Variants in ZNF804B observed in about 807,000 individuals in gnomAD.
ZNF804B encodes the protein zinc finger protein 804B.
Under a neutral mutation model 101.4 loss-of-function variants are expected in ZNF804B, and 80 were observed. The observed-to-expected ratio is 0.79, with a 90% CI of 0.66 to 0.95. ZNF804B has a LOEUF of 0.95. Among genes scored for constraint, ZNF804B ranks in the 40% least tolerant of loss-of-function variants. The pLI, the probability that ZNF804B is intolerant of heterozygous loss-of-function variation, is 0.00. For synonymous variants in ZNF804B, 622 were observed against 558.8 expected, an observed-to-expected ratio of 1.11 and a Z score of -1.59; for missense variants, 1,673 against 1,561.9, an observed-to-expected ratio of 1.07 and a Z score of -1.20.
intron 1 of ZNF804B, among the ~76,000 whole-genome samples, chr7:89,047,906 C>T (rs1468427992): frequency 1.3e-5 from 2 of 150,140 alleles, no homozygotes; most frequent in East Asian, 1.9e-4. Flanking sequence ...TTTTTTTTTT[C>T]CCCCTTTGGA....
intron 1 of ZNF804B, among the ~76,000 whole-genome samples, chr7:88,963,938 C>A: frequency 6.6e-6 from 1 of 151,306 alleles, no homozygotes; most frequent in Non-Finnish European, 1.5e-5. Context: ...CATCATTAAT[C>A]AGTAGGGAAA....
chr7:88,797,356 C>G (rs1045191618), intron 1 of ZNF804B, among the ~76,000 whole-genome samples: 2 of 152,084 alleles, frequency 1.3e-5, no homozygotes, highest in Non-Finnish European at 2.9e-5. Flanking sequence ...ACAAATTCAG[C>G]TAAGAGTGTG....
intron 1 of ZNF804B, among the ~76,000 whole-genome samples, chr7:88,859,016 T>C (rs947421571): frequency 6.6e-6 from 1 of 152,064 alleles, no homozygotes; most frequent in Non-Finnish European, 1.5e-5. Flanking sequence ...ATGAACACCA[T>C]TATGAACGCA....
intron 1 of ZNF804B, among the ~76,000 whole-genome samples, chr7:88,909,606 G>T (rs1160874650): frequency 1.3e-5 from 2 of 151,752 alleles, no homozygotes; most frequent in East Asian, 3.9e-4. Flanking sequence ...CAGTTTGCTT[G>T]TTCAACTTTC....
chr7:89,320,403 T>G (rs1408537236), intron 2 of ZNF804B, among the ~76,000 whole-genome samples: 2 of 152,124 alleles, frequency 1.3e-5, no homozygotes, highest in East Asian at 3.8e-4. Context: ...GATAGTCTTA[T>G]CTGCTGACTA....
At chr7:89,153,847 G>A (rs1790915119) in intron 1 of ZNF804B, among the ~76,000 whole-genome samples, 1 of 151,982 alleles carries the variant, frequency 6.6e-6, no homozygotes, top group Admixed American at 6.6e-5. Flanking sequence ...ATTTCTCTAG[G>A]CACTTGAGAC....
At chr7:89,183,213 G>C (rs1302361899) in intron 1 of ZNF804B, among the ~76,000 whole-genome samples, 1 of 152,072 alleles carries the variant, frequency 6.6e-6, no homozygotes, top group African/African-American at 2.4e-5. Context: ...TAGTAATAAT[G>C]AGTCATAAAC....
intron 2 of ZNF804B, among the ~76,000 whole-genome samples, chr7:89,270,740 G>A (rs999101522): frequency 9.9e-5 from 15 of 151,856 alleles, no homozygotes; most frequent in Admixed American, 5.9e-4. Flanking sequence ...CTTTTATTTC[G>A]TTGAGCAATG....
At chr7:89,274,120 T>C (rs915173690) in intron 2 of ZNF804B, among the ~76,000 whole-genome samples, 20 of 151,330 alleles carry the variant, frequency 1.3e-4, no homozygotes, top group Non-Finnish European at 2.5e-4. Flanking sequence ...TCTCCCTGCT[T>C]CATTCTTTTT....
At chr7:89,163,276 C>T (rs1791095429) in intron 1 of ZNF804B, among the ~76,000 whole-genome samples, 1 of 152,034 alleles carries the variant, frequency 6.6e-6, no homozygotes, top group Admixed American at 6.6e-5. Flanking sequence ...TGCCAACCAC[C>T]AAAATAAGAG....
chr7:88,962,178 A>T (rs186560207), intron 1 of ZNF804B, among the ~76,000 whole-genome samples: 1 of 151,312 alleles, frequency 6.6e-6, no homozygotes, highest in South Asian at 2.1e-4. Flanking sequence ...TTATCTCTGC[A>T]CTCACTTCCT....
chr7:89,176,861 C>T (rs1791331112), intron 1 of ZNF804B, among the ~76,000 whole-genome samples: 1 of 151,752 alleles, frequency 6.6e-6, no homozygotes, highest in South Asian at 2.1e-4. Flanking sequence ...ATGGTTCAAT[C>T]TTGGTAGGTT....
chr7:88,960,553 C>T (rs867899454), intron 1 of ZNF804B, among the ~76,000 whole-genome samples: 1 of 151,286 alleles, frequency 6.6e-6, no homozygotes, highest in South Asian at 2.1e-4. Flanking sequence ...GCAAAGTACT[C>T]TCTTAGGTGA....
intron 1 of ZNF804B, among the ~76,000 whole-genome samples, chr7:89,182,311 T>A (rs1159232607): frequency 6.6e-6 from 1 of 152,154 alleles, no homozygotes; most frequent in East Asian, 1.9e-4. Flanking sequence ...TTTTCAGCAA[T>A]CAAAATTCTG....
chr7:88,898,060 A>G (rs1296565537), intron 1 of ZNF804B, among the ~76,000 whole-genome samples: 1 of 107,416 alleles, frequency 9.3e-6, no homozygotes, highest in East Asian at 2.6e-4. Context: ...TCCTTCCTAT[A>G]TTACTTCTCC....
intron 1 of ZNF804B, among the ~76,000 whole-genome samples, chr7:89,208,349 T>G (rs962054022): frequency 6.6e-6 from 1 of 152,186 alleles, no homozygotes; most frequent in Non-Finnish European, 1.5e-5. Flanking sequence ...CCCAGAGTGC[T>G]GGGATTACAG....
At chr7:89,017,602 C>A (rs1245199631) in intron 1 of ZNF804B, among the ~76,000 whole-genome samples, 2 of 152,006 alleles carry the variant, frequency 1.3e-5, no homozygotes, top group Non-Finnish European at 2.9e-5. Context: ...CTGTAGATAG[C>A]TTTGGATAGT....
intron 1 of ZNF804B, among the ~76,000 whole-genome samples, chr7:89,078,479 G>A (rs535569058): frequency 5.9e-5 from 9 of 151,926 alleles, no homozygotes; most frequent in African/African-American, 1.4e-4. Context: ...ATTTGGGCTA[G>A]GAAAATGTGT....
chr7:89,143,328 T>G (rs568000130), intron 1 of ZNF804B, among the ~76,000 whole-genome samples: 4 of 151,900 alleles, frequency 2.6e-5, no homozygotes, highest in South Asian at 4.2e-4. Flanking sequence ...TATTACAAAC[T>G]CCATCCTTTA....
Sources: allele counts gnomAD v4.1 joint callset (sites outside exome capture counted in the v4.1 genomes callset), GRCh38; gene constraint gnomAD v4.1.1; transcripts MANE v1.5; gene names NCBI Gene and HGNC (gene_info 2026-07-23, HGNC 2026-07-21).